GDPD1: variants seen among roughly 807,000 people sequenced by gnomAD.
The protein encoded by GDPD1 is lysophospholipase D GDPD1.
In GDPD1, 28 loss-of-function variants were observed where a neutral mutation model predicts 45.1. The ratio of observed to expected loss-of-function variants is 0.62; its 90% CI spans 0.46 to 0.85. The LOEUF (loss-of-function observed/expected upper bound fraction) is 0.85. Among genes scored for constraint, GDPD1 ranks in the 40% least tolerant of loss-of-function variants. The pLI is 0.00. For synonymous variants in GDPD1, 139 were observed against 131.4 expected (o/e 1.06, Z -0.40); for missense variants, 256 against 364.8 (o/e 0.70, Z 2.43).
At chr17:59,235,678 G>C (rs1009213760) in intron 2 of GDPD1, among the ~76,000 whole-genome samples, 1 of 152,002 alleles carries the variant, frequency 6.6e-6, no homozygotes, top group Non-Finnish European at 1.5e-5. Context: ...TTAGCTGGGC[G>C]TGGTGGCATG....
At chr17:59,270,410 G>A (rs2047436008) in intron 7 of GDPD1, among the ~76,000 whole-genome samples, 1 of 151,732 alleles carries the variant, frequency 6.6e-6, no homozygotes, top group South Asian at 2.1e-4. Context: ...TGTTGGCCAG[G>A]CTGGTCTGGA....
At chr17:59,232,449 C>CAA (rs917597664) in intron 1 of GDPD1, among the ~76,000 whole-genome samples, 33 of 94,710 alleles carry the variant, frequency 3.5e-4, no homozygotes, top group Non-Finnish European at 4.2e-4. Flanking sequence ...GACTCCGTCT[C>CAA]AAAAAAAAAA....
chr17:59,238,050 C>T (rs1391232718), intron 2 of GDPD1, among the ~76,000 whole-genome samples: 3 of 150,408 alleles, frequency 2.0e-5, no homozygotes, highest in Non-Finnish European at 3.0e-5. Context: ...GGGTGGATCA[C>T]CTGAGGTCGG....
At chr17:59,257,405 A>T (rs992321083) in intron 5 of GDPD1, among the ~76,000 whole-genome samples, 165 bp downstream of exon 5, 3 of 152,190 alleles carry the variant, frequency 2.0e-5, no homozygotes, top group African/African-American at 7.2e-5. Context: ...ATTTTACTGT[A>T]GGAGAGAGCC....
chr17:59,239,065 C>T (rs2047156245), intron 2 of GDPD1, among the ~76,000 whole-genome samples: 1 of 152,062 alleles, frequency 6.6e-6, no homozygotes, highest in Admixed American at 6.6e-5. Flanking sequence ...ATAGTATTAG[C>T]CGGAATGGTA....
chr17:59,234,365 A>T, intron 1 of GDPD1, 127 bp from the exon 2 acceptor site: 1 of 633,884 alleles, frequency 1.6e-6, no homozygotes, highest in Non-Finnish European at 2.8e-6. Flanking sequence ...AAACCCAAAA[A>T]AACACTTGTA....
At position 59,275,467 on chromosome 17, in the gene GDPD1, A is replaced by C. The variant is rs1457720668; in HGVS notation, c.*1694A>C. 1 of 252,190 alleles carries C rather than the reference A, an allele frequency of 4.0e-6. No individual in the cohort carries two copies. Among genetic ancestry groups the C allele is most frequent in the Non-Finnish European group, 7.7e-6 (1 of 130,526 alleles). 15.6% of individuals were successfully genotyped at this position (252,190 alleles called of 1,614,324 possible). ...ATTAAAAAGGAACTTACCAGTTGTA[A>C]ATTAAGACAAGATCCAAATAGTCAT... On this transcript the variant is annotated 3_prime_UTR_variant, in exon 10 of 10. Coordinates refer to ENST00000284116, the MANE Select transcript of GDPD1 (RefSeq NM_182569.4).
At chr17:59,254,303 A>T (rs918682614) in intron 4 of GDPD1, among the ~76,000 whole-genome samples, 32 of 150,352 alleles carry the variant, frequency 2.1e-4, no homozygotes, top group African/African-American at 7.4e-4. Flanking sequence ...AGAGGTTGCG[A>T]TGAGCCGAGA....
At chr17:59,255,120 C>T (rs368061046) in intron 4 of GDPD1, among the ~76,000 whole-genome samples, 8 of 152,196 alleles carry the variant, frequency 5.3e-5, no homozygotes, top group African/African-American at 1.9e-4. Context: ...ACATGGATTT[C>T]ATTTACTTTT....
intron 2 of GDPD1, among the ~76,000 whole-genome samples, chr17:59,242,923 G>A (rs565985240): frequency 2.6e-5 from 4 of 152,318 alleles, no homozygotes; most frequent in East Asian, 1.9e-4. Context: ...CAGAGGCTGG[G>A]CATGGTGGTT....
chr17:59,257,944 A>G, intron 6 of GDPD1, 104 bp downstream of exon 6: 1 of 669,024 alleles, frequency 1.5e-6, no homozygotes, highest in Non-Finnish European at 2.3e-6. Context: ...TCTTATTTTT[A>G]GAGATAGGGT....
intron 8 of GDPD1, among the ~76,000 whole-genome samples, chr17:59,272,136 G>T (rs918051507): frequency 3.3e-5 from 5 of 151,776 alleles, no homozygotes; most frequent in African/African-American, 1.2e-4. Context: ...GGTGTTAAAA[G>T]CACATGATTT....
intron 4 of GDPD1, among the ~76,000 whole-genome samples, chr17:59,253,457 G>A (rs950195527): frequency 6.6e-6 from 1 of 152,094 alleles, no homozygotes; most frequent in African/African-American, 2.4e-5. Context: ...TCCCACCTCA[G>A]CCTTCCAAAG....
At chr17:59,244,152 C>A (rs530870986) in intron 2 of GDPD1, among the ~76,000 whole-genome samples, 2 of 151,996 alleles carry the variant, frequency 1.3e-5, no homozygotes, top group African/African-American at 4.8e-5. Context: ...AGATCAAGTG[C>A]CCAGTTTGAC....
intron 4 of GDPD1, among the ~76,000 whole-genome samples, chr17:59,255,840 T>TATATATATACAC (rs2047301582): frequency 1.1e-5 from 1 of 90,614 alleles, no homozygotes; most frequent in African/African-American, 6.9e-5. Context: ...CGTATATATA[T>TATATATATACAC]ATATATATAT....
At chr17:59,271,056 C>A in intron 8 of GDPD1, 61 bp downstream of exon 8, 3 of 1,002,558 alleles carry the variant, frequency 3.0e-6, no homozygotes, top group Non-Finnish European at 4.6e-6. Flanking sequence ...TTAAATACTA[C>A]CCTTAAAATG....
intron 8 of GDPD1, among the ~76,000 whole-genome samples, chr17:59,271,924 C>T (rs886912550): frequency 2.6e-5 from 4 of 151,984 alleles, no homozygotes; most frequent in African/African-American, 7.2e-5. Context: ...TGTGAGCCAC[C>T]GCGCCCAGCC....
chr17:59,264,581 C>G (rs1321168300), intron 6 of GDPD1, among the ~76,000 whole-genome samples: 1 of 151,976 alleles, frequency 6.6e-6, no homozygotes. Flanking sequence ...TGTGAGTCAC[C>G]GCACCTGGCT....
rs140320908 is a variant in GDPD1, at chr17:59,273,688, A to G, written c.860A>G (p.Lys287Arg). ...IWVLNEEQEY[K>R]RAFDLGATGV... ...GTATTAAATGAAGAACAAGAATACA[A>G]AAGAGCTTTTGATTTGGGAGCAACT... The change falls in exon 10 of 10, where the codon AAA becomes AGA. Residue 287 changes from lysine to arginine, a missense_variant. Transcript: ENST00000284116. 6.3e-7 allele frequency: 1 copy of G among 1,577,256 alleles called. No individual in the cohort carries two copies. Among genetic ancestry groups the G allele is most frequent in the Non-Finnish European group, 8.7e-7 (1 of 1,151,292 alleles).
Sources: allele counts gnomAD v4.1 joint callset (sites outside exome capture counted in the v4.1 genomes callset), GRCh38; gene constraint gnomAD v4.1.1; transcripts MANE v1.5; gene names NCBI Gene and HGNC (gene_info 2026-07-23, HGNC 2026-07-21).